UNC5D: variants seen among roughly 807,000 people sequenced by gnomAD.
The protein encoded by UNC5D is unc-5 netrin receptor D.
A neutral mutation model predicts 105.4 loss-of-function variants in UNC5D; 39 were observed. That is an observed-to-expected ratio of 0.37 (90% CI 0.29 to 0.48). The LOEUF (loss-of-function observed/expected upper bound fraction) is 0.48, where lower values mean the gene tolerates loss of function less well. Ranked by LOEUF, UNC5D falls within the 20% of genes least tolerant of loss-of-function variation. The pLI, the probability that UNC5D is intolerant of heterozygous loss-of-function variation, is 0.98. For missense variants in UNC5D, 991 were observed against 1,202.4 expected, an observed-to-expected ratio of 0.82 and a Z score of 2.60; for synonymous variants, 452 against 450.4, an observed-to-expected ratio of 1.00 and a Z score of -0.04.
intron 1 of UNC5D, among the ~76,000 whole-genome samples, chr8:35,391,870 A>T (rs1023098514): frequency 6.6e-6 from 1 of 152,156 alleles, no homozygotes; most frequent in African/African-American, 2.4e-5. Flanking sequence ...TCTTGCTGAT[A>T]AGTAACCTAT....
intron 4 of UNC5D, among the ~76,000 whole-genome samples, chr8:35,596,054 C>T (rs1331683952): frequency 6.6e-6 from 1 of 152,194 alleles, no homozygotes; most frequent in African/African-American, 2.4e-5. Context: ...TCAGAAGACC[C>T]AGTCCCAGTG....
chr8:35,626,288 G>A (rs1420717642), intron 4 of UNC5D, among the ~76,000 whole-genome samples: 1 of 151,626 alleles, frequency 6.6e-6, no homozygotes, highest in African/African-American at 2.4e-5. Context: ...TACTTTACGA[G>A]TGCTAAAATC....
intron 4 of UNC5D, among the ~76,000 whole-genome samples, chr8:35,657,086 A>ATATATATATATATATG (rs1823813930): frequency 1.5e-5 from 1 of 66,622 alleles, no homozygotes; most frequent in African/African-American, 7.7e-5. Context: ...GTGTGTATAT[A>ATATATATATATATATG]TATATATATA....
intron 1 of UNC5D, among the ~76,000 whole-genome samples, chr8:35,417,364 A>C (rs1425522085): frequency 6.6e-6 from 1 of 152,160 alleles, no homozygotes; most frequent in African/African-American, 2.4e-5. Flanking sequence ...AAGAACTCAT[A>C]GTCAAAGAAG....
intron 1 of UNC5D, among the ~76,000 whole-genome samples, chr8:35,297,926 T>C (rs1006981355): frequency 6.6e-6 from 1 of 152,168 alleles, no homozygotes; most frequent in South Asian, 2.1e-4. Flanking sequence ...TTCTTTGGTG[T>C]CTAGAACAGA....
At chr8:35,472,689 C>T (rs1809817768) in intron 1 of UNC5D, among the ~76,000 whole-genome samples, 1 of 152,136 alleles carries the variant, frequency 6.6e-6, no homozygotes. Context: ...TGTTCAGAAA[C>T]CCTGAACGGA....
At chr8:35,577,036 G>A (rs1429686749) in intron 3 of UNC5D, among the ~76,000 whole-genome samples, 4 of 152,132 alleles carry the variant, frequency 2.6e-5, no homozygotes, top group East Asian at 3.9e-4. Flanking sequence ...CTATGTTAGC[G>A]TGATCTCTTT....
intron 16 of UNC5D, among the ~76,000 whole-genome samples, chr8:35,782,658 C>T (rs1802557165): frequency 1.3e-5 from 2 of 151,968 alleles, no homozygotes; most frequent in Non-Finnish European, 2.9e-5. Context: ...CGCCTGCCAC[C>T]ACAGCTGACT....
intron 4 of UNC5D, among the ~76,000 whole-genome samples, chr8:35,682,917 C>T (rs1051060980): frequency 3.9e-5 from 6 of 152,286 alleles, no homozygotes; most frequent in African/African-American, 1.4e-4. Context: ...CTACCTAACC[C>T]AAGGCCTAAA....
chr8:35,767,620 A>G (rs965929706), intron 15 of UNC5D, among the ~76,000 whole-genome samples: 2 of 152,182 alleles, frequency 1.3e-5, no homozygotes, highest in Non-Finnish European at 2.9e-5. Context: ...ACAATAATAT[A>G]AGGAGGACAG....
At chr8:35,277,393 G>A (rs541950698) in intron 1 of UNC5D, among the ~76,000 whole-genome samples, 2 of 152,318 alleles carry the variant, frequency 1.3e-5, no homozygotes, top group African/African-American at 4.8e-5. Flanking sequence ...ATTGTGGAGA[G>A]TTTTTGATTA....
At chr8:35,534,832 A>G (rs966286441) in intron 1 of UNC5D, among the ~76,000 whole-genome samples, 3 of 152,072 alleles carry the variant, frequency 2.0e-5, no homozygotes, top group South Asian at 4.1e-4. Flanking sequence ...ATATACATAT[A>G]TATAGTGTAA....
intron 1 of UNC5D, among the ~76,000 whole-genome samples, chr8:35,457,135 T>C (rs1808551890): frequency 6.6e-6 from 1 of 152,240 alleles, no homozygotes; most frequent in Non-Finnish European, 1.5e-5. Flanking sequence ...TGAAATCAAA[T>C]AGCCTGTAAA....
chr8:35,280,992 G>C (rs1022820985), intron 1 of UNC5D, among the ~76,000 whole-genome samples: 1 of 152,078 alleles, frequency 6.6e-6, no homozygotes. Flanking sequence ...ACATCTCTCA[G>C]CTTGATGCCT....
intron 1 of UNC5D, among the ~76,000 whole-genome samples, chr8:35,458,254 G>A (rs1478114576): frequency 1.3e-5 from 2 of 152,104 alleles, no homozygotes; most frequent in African/African-American, 2.4e-5. Flanking sequence ...GCACAGAAAT[G>A]CCTCCCAGTA....
chr8:35,404,196 A>T (rs1191950649), intron 1 of UNC5D, among the ~76,000 whole-genome samples: 4 of 152,164 alleles, frequency 2.6e-5, no homozygotes, highest in Non-Finnish European at 2.9e-5. Context: ...AGATAACAGT[A>T]TGTGGAGATG....
chr8:35,586,131 A>G (rs911123442), intron 3 of UNC5D, among the ~76,000 whole-genome samples: 1 of 152,054 alleles, frequency 6.6e-6, no homozygotes, highest in Admixed American at 6.6e-5. Flanking sequence ...AAAATTATCC[A>G]GGCATGGTGG....
At chr8:35,739,022 G>A (rs770213945) in intron 11 of UNC5D, among the ~76,000 whole-genome samples, 3 of 152,164 alleles carry the variant, frequency 2.0e-5, no homozygotes, top group Non-Finnish European at 2.9e-5. Flanking sequence ...GAGAATCACT[G>A]AGGAAAGATG....
intron 3 of UNC5D, among the ~76,000 whole-genome samples, chr8:35,578,225 C>CA (rs5890822): frequency 0.015 from 898 of 58,884 alleles, 13 homozygotes; most frequent in East Asian, 0.035. Flanking sequence ...AACTCTGTCT[C>CA]AAAAAAAAAA....
Sources: gnomAD v4.1 joint callset for allele counts (sites outside exome capture counted in the v4.1 genomes callset) on GRCh38, gnomAD v4.1.1 for gene constraint, MANE v1.5 for transcripts, NCBI Gene and HGNC (gene_info 2026-07-23, HGNC 2026-07-21) for gene names.